Variants in KAT6A observed in about 807,000 individuals in gnomAD.
KAT6A encodes lysine acetyltransferase 6A.
KAT6A carries 9 observed loss-of-function variants against 198.4 expected under a neutral mutation model. That is an observed-to-expected ratio of 0.05 (90% CI 0.03 to 0.08). The LOEUF is 0.08. Among genes scored for constraint, KAT6A ranks in the 10% least tolerant of loss-of-function variants. The probability of loss-of-function intolerance (pLI) is 1.00; values close to 1 mark genes in which losing one functional copy is unlikely to be tolerated. For missense variants in KAT6A, 2,077 were observed against 2,509.9 expected (o/e 0.83, Z 3.69); for synonymous variants, 890 against 883.0 (o/e 1.01, Z -0.14).
At chr8:42,037,406 G>A (rs948607376) in intron 2 of KAT6A, among the ~76,000 whole-genome samples, 37 of 152,138 alleles carry the variant, frequency 2.4e-4, no homozygotes, top group African/African-American at 8.7e-4. Flanking sequence ...CACAAAAATA[G>A]TAATAATGTT....
In KAT6A at chr8:42,048,535, C is replaced by T. The variant is rs1320782499; in HGVS notation, c.443G>A (p.Arg148Gln). 5.0e-6 allele frequency: 8 copies of T among 1,614,148 alleles called. No individual in the cohort carries two copies. Among genetic ancestry groups the T allele is most frequent in the East Asian group, 2.2e-5 (1 of 44,886 alleles). Residue 148 changes from arginine (R) to glutamine (Q), a missense_variant, in exon 2 of 17, where the codon CGA (arginine) becomes CAA (glutamine). Physicochemically the swap from Arg to Gln is conservative, Grantham distance 43. Transcript: ENST00000265713. Reference protein sequence around the residue: ...SAASGFHQQLRLAIKRAIGHG... With the variant: ...SAASGFHQQLQLAIKRAIGHG... ...GCCAATGGCACGTTTGATAGCCAAT[C>T]GTAACTGCTGGTGAAAGCCAGAGGC...
At chr8:41,989,404 G>A (rs1232162654) in intron 2 of KAT6A, among the ~76,000 whole-genome samples, 3 of 152,076 alleles carry the variant, frequency 2.0e-5, no homozygotes, top group Non-Finnish European at 4.4e-5. Context: ...AGCTACTCGG[G>A]AGACTGAAGC....
intron 2 of KAT6A, among the ~76,000 whole-genome samples, chr8:42,035,232 G>A (rs1273216003): frequency 6.6e-6 from 1 of 152,168 alleles, no homozygotes; most frequent in African/African-American, 2.4e-5. Context: ...TGACACCAAA[G>A]TTTCCATTTT....
chr8:41,941,266 T>C lies in KAT6A; in HGVS notation c.2615A>G (p.Asn872Ser). The C allele has an allele frequency of 1.2e-6, 2 of 1,614,196 alleles. No homozygotes were observed. The highest frequency in any genetic ancestry group is 1.1e-5 in the South Asian group (1 of 91,070). ...ACCAAAACGTTCCTGGGTTTTTCTG[T>C]TCTTCCTCCCCCAGCGGCCCCTCCG... ...PSRRGRWGRK[N>S]RKTQERFGDK... The change falls in exon 15 of 17, where the codon AAC (asparagine) becomes AGC (serine). Residue 872 changes from asparagine to serine, a missense_variant. Physicochemically the swap from Asn to Ser is conservative, Grantham distance 46. This residue lies in a region of KAT6A where 301 missense variants were observed against 272.2 expected (regional missense o/e 1.11). Transcript: ENST00000265713.
intron 2 of KAT6A, among the ~76,000 whole-genome samples, chr8:42,046,809 A>G (rs1174259005): frequency 6.6e-6 from 1 of 152,218 alleles, no homozygotes; most frequent in Non-Finnish European, 1.5e-5. Flanking sequence ...CTTTTAATAA[A>G]TGCTCAAATT....
intron 1 of KAT6A, among the ~76,000 whole-genome samples, chr8:42,050,274 CAA>C (rs1802539683): frequency 6.6e-6 from 1 of 152,186 alleles, no homozygotes; most frequent in South Asian, 2.1e-4. Flanking sequence ...CTCTCTGAAT[CAA>C]AGTCAGTATC....
At chr8:41,999,855 A>T (rs537147317) in intron 2 of KAT6A, among the ~76,000 whole-genome samples, 1 of 152,372 alleles carries the variant, frequency 6.6e-6, no homozygotes, top group South Asian at 2.1e-4. Context: ...AAAGTACAAC[A>T]TACCTGCCTT....
chr8:41,935,466 T>C (rs573623093), intron 16 of KAT6A, among the ~76,000 whole-genome samples: 4 of 152,194 alleles, frequency 2.6e-5, no homozygotes, highest in African/African-American at 9.7e-5. Flanking sequence ...TATTTAGTCC[T>C]AGACAAAAAC....
chr8:41,977,092 G>A lies in KAT6A; in HGVS notation c.1279C>T (p.Arg427Trp), dbSNP rs1378339251. The change falls in exon 7 of 17, where the codon CGG (arginine) becomes TGG (tryptophan). Residue 427 changes from arginine to tryptophan, a missense_variant. By Grantham distance (101) the Arg-to-Trp change is moderately radical. This residue lies in a region of KAT6A where 206 missense variants were observed against 214.9 expected (regional missense o/e 0.96). Coordinates refer to ENST00000265713, the MANE Select transcript of KAT6A (RefSeq NM_006766.5). ...TCAGAGTAGTCCACCACTTCCCCCC[G>A]AGCTTTCCGCCCATCAGGGGAAGGG... ...FTPSPDGRKA[R>W]GEVVDYSEQY... 2 of 1,614,054 alleles carry A rather than the reference G, an allele frequency of 1.2e-6. No homozygotes were observed. Among genetic ancestry groups the A allele is most frequent in the South Asian group, 1.1e-5 (1 of 91,074 alleles).
Position 41,946,645 on chromosome 8 carries a change from T to C in KAT6A, c.1942A>G (p.Met648Val). ...CQQKYNVSCI[M>V]ILPQYQRKGY... ...TTACGCTGGTATTGAGGAAGAATCA[T>C]TATACAGGAAACATTGTACTTCTGT... Residue 648 changes from methionine to valine, a missense_variant, in exon 12 of 17, where the codon ATG becomes GTG. Physicochemically the swap from Met to Val is conservative, Grantham distance 21. Coordinates refer to ENST00000265713, the MANE Select transcript of KAT6A (RefSeq NM_006766.5). The C allele has an allele frequency of 6.2e-7, 1 of 1,608,834 alleles. No individual in the cohort carries two copies. The highest frequency in any genetic ancestry group is 8.5e-7 in the Non-Finnish European group (1 of 1,175,456).
At chr8:41,992,940 T>C (rs1825014254) in intron 2 of KAT6A, among the ~76,000 whole-genome samples, 1 of 152,212 alleles carries the variant, frequency 6.6e-6, no homozygotes, top group Non-Finnish European at 1.5e-5. Flanking sequence ...TTCTTCAGCA[T>C]AGGAAACCTG....
In KAT6A at chr8:41,987,462, G is replaced by A. The variant is rs1401845310; in HGVS notation, c.702C>T (p.Gly234=). ...CAGAAGGAAATCACATACCACTGTT[G>A]CCACAGTCGGCACAGGAGATGAGTT... is the stretch of plus-strand genomic sequence containing the variant. ...PEELISCADC[G]NSGHPSCLKF... The change falls in exon 3 of 17, where the codon GGC becomes GGT. Residue 234 remains glycine, a synonymous_variant. Coordinates refer to ENST00000265713, the MANE Select transcript of KAT6A (RefSeq NM_006766.5). 6.3e-7 allele frequency: 1 copy of A among 1,592,744 alleles called. No individual in the cohort carries two copies. The highest frequency in any genetic ancestry group is 1.3e-5 in the African/African-American group (1 of 74,394).
At chr8:42,002,848 G>T (rs988486398) in intron 2 of KAT6A, among the ~76,000 whole-genome samples, 1 of 151,934 alleles carries the variant, frequency 6.6e-6, no homozygotes, top group Non-Finnish European at 1.5e-5. Flanking sequence ...CTACTTTTTG[G>T]ATTATTTCCT....
intron 2 of KAT6A, among the ~76,000 whole-genome samples, chr8:42,044,290 G>A (rs1042179174): frequency 2.0e-5 from 3 of 151,582 alleles, no homozygotes; most frequent in Non-Finnish European, 4.4e-5. Flanking sequence ...GTAGAGATGG[G>A]GTTTCACCAT....
intron 2 of KAT6A, among the ~76,000 whole-genome samples, chr8:42,020,301 A>G (rs1169160339): frequency 2.0e-5 from 3 of 152,222 alleles, no homozygotes; most frequent in South Asian, 2.1e-4. Context: ...ATTTACAGAA[A>G]GAGTTTGCCA....
At chr8:41,952,499 G>C (rs2150869587) in intron 9 of KAT6A, among the ~76,000 whole-genome samples, 1 of 152,238 alleles carries the variant, frequency 6.6e-6, no homozygotes, top group South Asian at 2.1e-4. Context: ...CATTGTTTTT[G>C]ATTTTTAAAG....
rs1240930585 is a variant in KAT6A at position 41,978,565 on chromosome 8, G to A, written c.1043+77C>T. ...ATATGACAATGGAATTTTTTTCATA[G>A]AGAAAACAAGTGAATCCTACACTAT... is the stretch of plus-strand genomic sequence containing the variant. On this transcript the variant is annotated intron_variant, in intron 6 of 16. Transcript: ENST00000265713. The A allele has an allele frequency of 2.8e-6, 4 of 1,451,934 alleles. No homozygotes were observed. In the East Asian group the frequency reaches 9.2e-5, roughly 33 times the overall value. 89.9% of individuals were successfully genotyped at this position (1,451,934 alleles called of 1,614,324 possible). A position where few individuals can be genotyped will look rare whatever the true frequency, so the allele number is the denominator to read the frequency against.
intron 9 of KAT6A, among the ~76,000 whole-genome samples, chr8:41,949,847 A>G (rs933312464): frequency 2.6e-5 from 4 of 152,190 alleles, no homozygotes; most frequent in Non-Finnish European, 5.9e-5. Context: ...AATAAGGGCA[A>G]GAGGGCACAC....
At chr8:42,019,033 A>G (rs907681560) in intron 2 of KAT6A, among the ~76,000 whole-genome samples, 1 of 152,254 alleles carries the variant, frequency 6.6e-6, no homozygotes, top group Non-Finnish European at 1.5e-5. Flanking sequence ...AGGCAACAGC[A>G]TCTGGTTAAT....
Sources: gnomAD v4.1 joint callset for allele counts (sites outside exome capture counted in the v4.1 genomes callset) on GRCh38, gnomAD v4.1.1 for gene constraint, gnomAD v4.1.1 regional missense constraint, MANE v1.5 for transcripts, NCBI Gene and HGNC (gene_info 2026-07-23, HGNC 2026-07-21) for gene names.